The following TCHH variants were observed in gnomAD, a reference collection of about 807,000 sequenced individuals.
TCHH encodes trichohyalin.
TCHH carries 6 observed loss-of-function variants against 6.3 expected under a neutral mutation model. That is an observed-to-expected ratio of 0.95 (90% CI 0.52 to 1.88). TCHH has a LOEUF of 1.88. TCHH is among the 40% of genes most tolerant of loss of function. The pLI is 0.01. For synonymous variants in TCHH, 1,087 were observed against 963.6 expected (o/e 1.13, Z -2.37); for missense variants, 2,920 against 2,449.1 (o/e 1.19, Z -4.06).
At position 152,109,350 on chromosome 1, in the gene TCHH, G is replaced by T; in HGVS notation, c.3867C>A (p.Arg1289=). 1.2e-6 allele frequency: 2 copies of T among 1,614,140 alleles called. No individual in the cohort carries two copies. The highest frequency in any genetic ancestry group is 1.7e-6 in the Non-Finnish European group (2 of 1,180,028). ...REQERRRWQQ[R]DRHFPEEEQL... ...GTTCTTCCTCTGGGAAATGCCTGTC[G>T]CGCTGCTGCCAGCGCCTCCTCTCTT... Residue 1289 remains arginine (R), a synonymous_variant, in exon 3 of 3, where the codon CGC becomes CGA. Transcript: ENST00000614923.
chr1:152,110,360 G>A lies in TCHH; in HGVS notation c.2857C>T (p.Arg953Cys), dbSNP rs1557810689. Reference sequence around the variant, plus strand: ...CGATATTGCCTTTCCCGCTCCTGGCGTCTTCTTTTCTCCCGTTCCTCTCTC... The same window carrying A: ...CGATATTGCCTTTCCCGCTCCTGGCATCTTCTTTTCTCCCGTTCCTCTCTC... Reference protein sequence around the residue: ...LLREEREKRRRQERERQYRKD... With the variant: ...LLREEREKRRCQERERQYRKD... The change falls in exon 3 of 3, where the codon CGC becomes TGC. Residue 953 changes from arginine to cysteine, a missense_variant. Physicochemically the swap from Arg to Cys is radical, Grantham distance 180. Transcript: ENST00000614923. 4 of 1,611,200 alleles carry A rather than the reference G, an allele frequency of 2.5e-6. No individual in the cohort carries two copies. Among genetic ancestry groups the A allele is most frequent in the South Asian group, 1.1e-5 (1 of 90,494 alleles).
In TCHH at chr1:152,108,583, C is replaced by A; in HGVS notation, c.4634G>T (p.Arg1545Leu). The A allele has an allele frequency of 1.2e-6, 2 of 1,605,948 alleles. No homozygotes were observed. The highest frequency in any genetic ancestry group is 1.7e-6 in the Non-Finnish European group (2 of 1,177,812). The stretch of plus-strand genomic sequence containing the variant: ...ACGGTCCTGACGCCGCTGTTGCCCG[C>A]GCTCCTGGCGGCGCAGCTGCTGTTC... ...QEEQQLRRQERGQQRRQDRDR... is the reference protein window; with the variant it reads ...QEEQQLRRQELGQQRRQDRDR... Residue 1545 changes from arginine (R) to leucine (L), a missense_variant, in exon 3 of 3, where the codon CGC becomes CTC. Arg to Leu is a moderately radical substitution (Grantham distance 102). Transcript: ENST00000614923.
chr1:152,109,802 G>A lies in TCHH; in HGVS notation c.3415C>T (p.Gln1139Ter). 6.3e-7 allele frequency: 1 copy of A among 1,588,408 alleles called. No individual in the cohort carries two copies. ...EKRRRQELER[Q>*]YREEEEVQQE... Reference sequence around the variant, plus strand: ...TGCACCTCCTCTTCCTCCCGATATTGCCTCTCCAGCTCCTGGCGCCTTCTC... The same window carrying A: ...TGCACCTCCTCTTCCTCCCGATATTACCTCTCCAGCTCCTGGCGCCTTCTC... The change falls in exon 3 of 3, where the codon CAA becomes TAA. Residue 1139 changes from glutamine (Q) to a stop codon, truncating the protein, a stop_gained. Transcript: ENST00000614923. LOFTEE classifies it low-confidence loss of function (END_TRUNC).
rs561374571 is a variant in TCHH at position 152,106,506 on chromosome 1, A to C, written c.*879T>G. ...CCCAACATGCTCTATGTGATCTCTT[A>C]TTGGCCCTAGAGTAAGACAGATGTT... On this transcript the variant is annotated 3_prime_UTR_variant, in exon 3 of 3. Transcript: ENST00000614923. 1 of 152,110 alleles carries C rather than the reference A, an allele frequency of 6.6e-6. No homozygotes were observed. The highest frequency in any genetic ancestry group is 1.5e-5 in the Non-Finnish European group (1 of 68,026). 9.4% of individuals were successfully genotyped at this position (152,110 alleles called of 1,614,324 possible).
Position 152,107,321 on chromosome 1 carries a change from C to A in TCHH, c.*64G>T. ...GAAACATCTGAGTTATCACTTGGTACCCAGTGTTTCTCATTTTCCCGTGCT... is the reference window on the plus strand; with the variant it reads ...GAAACATCTGAGTTATCACTTGGTAACCAGTGTTTCTCATTTTCCCGTGCT... On this transcript the variant is annotated 3_prime_UTR_variant, in exon 3 of 3. Transcript: ENST00000614923. The A allele has an allele frequency of 7.0e-7, 1 of 1,428,962 alleles. No individual in the cohort carries two copies. Among genetic ancestry groups the A allele is most frequent in the South Asian group, 1.5e-5 (1 of 68,502 alleles). The allele number at this position is 1,428,962 out of a possible 1,614,324, so 88.5% of individuals were successfully genotyped here. A position where few individuals can be genotyped will look rare whatever the true frequency, so the allele number is the denominator to read the frequency against.
In TCHH at chr1:152,114,095, T is replaced by C. The variant is rs746145923; in HGVS notation, c.-15A>G. The C allele has an allele frequency of 1.3e-6, 2 of 1,593,890 alleles. No individual in the cohort carries two copies. The highest frequency in any genetic ancestry group is 1.4e-5 in the African/African-American group (1 of 73,502). The stretch of plus-strand genomic sequence containing the variant: ...AGTGGAGACATTTTTTTTTCTTTCC[T>C]TCAAGTTCAAGTAAACCTAGAACAA... On this transcript the variant is annotated 5_prime_UTR_variant, in exon 2 of 3. Transcript: ENST00000614923.
In TCHH at chr1:152,108,228, G is replaced by A. The variant is rs750908085; in HGVS notation, c.4989C>T (p.His1663=). Residue 1663 remains histidine (H), a synonymous_variant, in exon 3 of 3, where the codon CAC becomes CAT. Coordinates refer to ENST00000614923, the MANE Select transcript of TCHH (RefSeq NM_007113.4). The stretch of plus-strand genomic sequence containing the variant: ...CTTCACGGAATTTTCTGTCGCGGTC[G>A]TGACGCAGCTGTTGTTCGCGCTCCT... The part of the protein sequence containing the change: ...RRQEREQQLR[H]DRDRKFREEE... 3 of 1,580,784 alleles carry A rather than the reference G, an allele frequency of 1.9e-6. No individual in the cohort carries two copies. The highest frequency in any genetic ancestry group is 1.1e-5 in the South Asian group (1 of 89,800).
At position 152,109,573 on chromosome 1, in the gene TCHH, C is replaced by T. The variant is rs1264182718; in HGVS notation, c.3644G>A (p.Arg1215Gln). 1 of 1,614,120 alleles carries T rather than the reference C, an allele frequency of 6.2e-7. No individual in the cohort carries two copies. Among genetic ancestry groups the T allele is most frequent in the Admixed American group, 1.7e-5 (1 of 60,016 alleles). The change falls in exon 3 of 3, where the codon CGG (arginine) becomes CAG (glutamine). Residue 1215 changes from arginine (R) to glutamine (Q), a missense_variant. Transcript: ENST00000614923. ...LQRQKRKQRY[R>Q]DEDQRSDLKW... ...CAGATCACTGCGCTGATCCTCATCC[C>T]GGTATCGCTGCTTCCTTTTCTGGCG... is the stretch of plus-strand genomic sequence containing the variant.
Position 152,107,088 on chromosome 1 carries a change from TCAAA to T in TCHH, c.*293_*296del. The T allele has an allele frequency of 4.0e-6, 1 of 253,024 alleles. No individual in the cohort carries two copies. Among genetic ancestry groups the T allele is most frequent in the Non-Finnish European group, 7.5e-6 (1 of 133,640 alleles). The allele number at this position is 253,024 out of a possible 1,614,324, so 15.7% of individuals were successfully genotyped here. ...TGAAAGCAATAAATGAACATGTTCCTCAAACAAAATTTCTTAAACAAATTAAATG... is the reference window on the plus strand; with the variant it reads ...TGAAAGCAATAAATGAACATGTTCCTCAAAATTTCTTAAACAAATTAAATG... On this transcript the variant is annotated 3_prime_UTR_variant, in exon 3 of 3. Transcript: ENST00000614923.
chr1:152,107,667 C>T lies in TCHH; in HGVS notation c.5550G>A (p.Gln1850=). Residue 1850 remains glutamine, a synonymous_variant, in exon 3 of 3, where the codon CAG becomes CAA. Transcript: ENST00000614923. The part of the protein sequence containing the change: ...ERDRQYRAEE[Q]FATQEKSRRE... The stretch of plus-strand genomic sequence containing the variant: ...GACGACTCTTCTCCTGCGTGGCAAA[C>T]TGCTCCTCCGCCCGGTACTGCCGGT... 1 of 1,613,382 alleles carries T rather than the reference C, an allele frequency of 6.2e-7. No homozygotes were observed. The highest frequency in any genetic ancestry group is 8.5e-7 in the Non-Finnish European group (1 of 1,180,032).
chr1:152,112,400 C>T lies in TCHH; in HGVS notation c.817G>A (p.Glu273Lys), dbSNP rs1327092424. 1.2e-6 allele frequency: 2 copies of T among 1,613,844 alleles called. No homozygotes were observed. Among genetic ancestry groups the T allele is most frequent in the Admixed American group, 1.7e-5 (1 of 60,002 alleles). Residue 273 changes from glutamate to lysine, a missense_variant, in exon 3 of 3, where the codon GAG becomes AAG. Coordinates refer to ENST00000614923, the MANE Select transcript of TCHH (RefSeq NM_007113.4). The part of the protein sequence containing the change: ...EEPQRQRELQ[E>K]EEEQLRKLER... ...AGCTTCCGTAGCTGCTCTTCTTCCTCCTGGAGCTCTCTTTGCCGCTGCGGC... is the reference window on the plus strand; with the variant it reads ...AGCTTCCGTAGCTGCTCTTCTTCCTTCTGGAGCTCTCTTTGCCGCTGCGGC...
At position 152,107,847 on chromosome 1, in the gene TCHH, G is replaced by T. The variant is rs764201709; in HGVS notation, c.5370C>A (p.Ser1790Arg). 1.2e-6 allele frequency: 2 copies of T among 1,613,712 alleles called. No individual in the cohort carries two copies. The highest frequency in any genetic ancestry group is 3.3e-5 in the Admixed American group (2 of 59,988). The change falls in exon 3 of 3, where the codon AGC (serine) becomes AGA (arginine). Residue 1790 changes from serine to arginine, a missense_variant. Coordinates refer to ENST00000614923, the MANE Select transcript of TCHH (RefSeq NM_007113.4). The part of the protein sequence containing the change: ...RQEREEQQLR[S>R]QESDRKFREE... ...CGCGGAATTTTCTGTCAGACTCTTG[G>T]CTGCGCAGCTGCTGTTCCTCCCTCT...
At position 152,107,726 on chromosome 1, in the gene TCHH, C is replaced by G; in HGVS notation, c.5491G>C (p.Glu1831Gln). The G allele has an allele frequency of 6.2e-7, 1 of 1,614,236 alleles. No homozygotes were observed. Among genetic ancestry groups the G allele is most frequent in the South Asian group, 1.1e-5 (1 of 91,084 alleles). Reference sequence around the variant, plus strand: ...TGCCGCAGCCTCTGCTCTTGTTCCTCAAGTTGGAGCTGCTCTTCTTCCCAG... The same window carrying G: ...TGCCGCAGCCTCTGCTCTTGTTCCTGAAGTTGGAGCTGCTCTTCTTCCCAG... ...YRWEEEQLQL[E>Q]EQEQRLRQER... The change falls in exon 3 of 3, where the codon GAG becomes CAG. Residue 1831 changes from glutamate to glutamine, a missense_variant. Transcript: ENST00000614923.
In TCHH at chr1:152,111,573, C is replaced by G; in HGVS notation, c.1644G>C (p.Gln548His). Residue 548 changes from glutamine (Q) to histidine (H), a missense_variant, in exon 3 of 3, where the codon CAG (glutamine) becomes CAC (histidine). Physicochemically the swap from Gln to His is conservative, Grantham distance 24. Coordinates refer to ENST00000614923, the MANE Select transcript of TCHH (RefSeq NM_007113.4). Reference protein sequence around the residue: ...LRREQEERREQLLKREEEKRL... With the variant: ...LRREQEERREHLLKREEEKRL... ...TCTTCTCCTCCTCGCGCTTCAGCAG[C>G]TGCTCGCGCCTCTCCTCCTGCTCGC... is the stretch of plus-strand genomic sequence containing the variant. 1 of 1,600,804 alleles carries G rather than the reference C, an allele frequency of 6.2e-7. No homozygotes were observed. Among genetic ancestry groups the G allele is most frequent in the Non-Finnish European group, 8.5e-7 (1 of 1,169,738 alleles).
At position 152,112,470 on chromosome 1, in the gene TCHH, G is replaced by C; in HGVS notation, c.747C>G (p.Arg249=). 1.2e-6 allele frequency: 2 copies of C among 1,613,184 alleles called. No homozygotes were observed. Among genetic ancestry groups the C allele is most frequent in the East Asian group, 2.2e-5 (1 of 44,824 alleles). Residue 249 remains arginine (R), a synonymous_variant, in exon 3 of 3, where the codon CGC becomes CGG. Coordinates refer to ENST00000614923, the MANE Select transcript of TCHH (RefSeq NM_007113.4). ...CTTCTTCCTTCCGGAGCACTGTCTC[G>C]CGCTTCCTCCACTCTTTCTCTTCTT... ...QEEEEKEWRK[R]ETVLRKEEEK...
At position 152,112,538 on chromosome 1, in the gene TCHH, G is replaced by C. The variant is rs755033416; in HGVS notation, c.679C>G (p.Gln227Glu). The change falls in exon 3 of 3, where the codon CAG becomes GAG. Residue 227 changes from glutamine (Q) to glutamate (E), a missense_variant. Gln to Glu is a conservative substitution (Grantham distance 29). Transcript: ENST00000614923. Reference sequence around the variant, plus strand: ...TCTTGCCGCTCTCGCCTTTGCTGCTGTTTCTCCTCGCGGCCCTTCCTCCTC... The same window carrying C: ...TCTTGCCGCTCTCGCCTTTGCTGCTCTTTCTCCTCGCGGCCCTTCCTCCTC... ...ELRRKGREEK[Q>E]QQRRERQDRV... The C allele has an allele frequency of 6.2e-7, 1 of 1,613,408 alleles. No individual in the cohort carries two copies. The highest frequency in any genetic ancestry group is 8.5e-7 in the Non-Finnish European group (1 of 1,180,018).
At position 152,109,371 on chromosome 1, in the gene TCHH, C is replaced by T. The variant is rs748129082; in HGVS notation, c.3846G>A (p.Glu1282=). 3 of 1,614,260 alleles carry T rather than the reference C, an allele frequency of 1.9e-6. No individual in the cohort carries two copies. Among genetic ancestry groups the T allele is most frequent in the South Asian group, 2.2e-5 (2 of 91,086 alleles). Residue 1282 remains glutamate, a synonymous_variant, in exon 3 of 3, where the codon GAG becomes GAA. Transcript: ENST00000614923. ...TGTCGCGCTGCTGCCAGCGCCTCCT[C>T]TCTTGCTCACGATCTCGCTCTTGCT... is the stretch of plus-strand genomic sequence containing the variant. The part of the protein sequence containing the change: ...GEQQERDREQ[E]RRRWQQRDRH...
chr1:152,111,050 G>T lies in TCHH; in HGVS notation c.2167C>A (p.Pro723Thr), dbSNP rs1658323578. The stretch of plus-strand genomic sequence containing the variant: ...CGCCTCTGCCCTTCCTGCTTGCGGG[G>T]CCTCGAGTAGACTTTGCTTTGCCGT... The part of the protein sequence containing the change: ...DARQSKVYSR[P>T]RKQEGQRRRQ... The change falls in exon 3 of 3, where the codon CCC becomes ACC. Residue 723 changes from proline to threonine, a missense_variant. Coordinates refer to ENST00000614923, the MANE Select transcript of TCHH (RefSeq NM_007113.4). 1 of 1,613,254 alleles carries T rather than the reference G, an allele frequency of 6.2e-7. No homozygotes were observed. Among genetic ancestry groups the T allele is most frequent in the South Asian group, 1.1e-5 (1 of 91,068 alleles).
rs766702248 is a variant in TCHH, at chr1:152,112,670, G to C, written c.547C>G (p.Arg183Gly). 1 of 1,613,990 alleles carries C rather than the reference G, an allele frequency of 6.2e-7. No homozygotes were observed. The highest frequency in any genetic ancestry group is 1.7e-5 in the Admixed American group (1 of 60,018). ...TCTTCCTCTGCACGGCGCTCTTCCCGTTCTTGCCATTCTTGCCTTTGCCGC... is the reference window on the plus strand; with the variant it reads ...TCTTCCTCTGCACGGCGCTCTTCCCCTTCTTGCCATTCTTGCCTTTGCCGC... The part of the protein sequence containing the change: ...LWRQRQEWQE[R>G]EERRAEEEQL... Residue 183 changes from arginine (R) to glycine (G), a missense_variant, in exon 3 of 3, where the codon CGG becomes GGG. By Grantham distance (125) the Arg-to-Gly change is moderately radical. Coordinates refer to ENST00000614923, the MANE Select transcript of TCHH (RefSeq NM_007113.4).
Sources: allele counts gnomAD v4.1 joint callset, GRCh38; gene constraint gnomAD v4.1.1; transcripts MANE v1.5; gene names NCBI Gene and HGNC (gene_info 2026-07-23, HGNC 2026-07-21).